CSMD1: variants seen among roughly 807,000 people sequenced by gnomAD.
The protein encoded by CSMD1 is CUB and sushi domain-containing protein 1.
In CSMD1, 213 loss-of-function variants were observed where a neutral mutation model predicts 417.5. The ratio of observed to expected loss-of-function variants is 0.51; its 90% CI spans 0.46 to 0.57. The LOEUF (loss-of-function observed/expected upper bound fraction) is 0.57, where lower values mean the gene tolerates loss of function less well. CSMD1 is among the 20% of genes least tolerant of loss of function. The probability of loss-of-function intolerance (pLI) is 0.00; values close to 1 mark genes in which losing one functional copy is unlikely to be tolerated. For missense variants in CSMD1, 6,923 were observed against 4,529.7 expected (o/e 1.53, Z -15.17); for synonymous variants, 2,862 against 1,736.8 (o/e 1.65, Z -16.11).
chr8:4,927,851 T>C (rs947891813), intron 1 of CSMD1, among the ~76,000 whole-genome samples: 4 of 152,160 alleles, frequency 2.6e-5, no homozygotes, highest in Admixed American at 2.0e-4. Context: ...GCCTTCAAGA[T>C]ATACCCAGAA....
intron 5 of CSMD1, among the ~76,000 whole-genome samples, chr8:3,967,260 T>C (rs753836810): frequency 5.7e-5 from 8 of 140,614 alleles, no homozygotes; most frequent in Non-Finnish European, 9.3e-5. Context: ...TTCTGCTTTT[T>C]TAATTCTCTC....
At chr8:4,809,742 T>C (rs1798789104) in intron 1 of CSMD1, among the ~76,000 whole-genome samples, 1 of 152,216 alleles carries the variant, frequency 6.6e-6, no homozygotes, top group Admixed American at 6.5e-5. Flanking sequence ...ATGTAATAAG[T>C]GAAAATTGAG....
chr8:4,582,312 G>C (rs986379651), intron 2 of CSMD1, among the ~76,000 whole-genome samples: 21 of 152,176 alleles, frequency 1.4e-4, no homozygotes, highest in African/African-American at 4.1e-4. Context: ...ATCAGACCAA[G>C]TCTCCTGCAG....
chr8:4,082,532 A>G (rs919897104), intron 3 of CSMD1, among the ~76,000 whole-genome samples: 1 of 152,194 alleles, frequency 6.6e-6, no homozygotes, highest in Non-Finnish European at 1.5e-5. Flanking sequence ...AACTAAAAGG[A>G]AACACACAAA....
intron 10 of CSMD1, among the ~76,000 whole-genome samples, chr8:3,539,000 G>A (rs1453981353): frequency 6.6e-6 from 1 of 152,186 alleles, no homozygotes; most frequent in Non-Finnish European, 1.5e-5. Context: ...TCTCATTGAA[G>A]TGAAAATAAA....
chr8:4,803,912 C>A (rs1798446942), intron 1 of CSMD1, among the ~76,000 whole-genome samples: 1 of 152,040 alleles, frequency 6.6e-6, no homozygotes, highest in Non-Finnish European at 1.5e-5. Context: ...AGCAGCTAGC[C>A]CACAGAGCCT....
chr8:3,285,563 T>G (rs1803085681), intron 25 of CSMD1, among the ~76,000 whole-genome samples: 1 of 151,868 alleles, frequency 6.6e-6, no homozygotes. Context: ...TTATTAGTAT[T>G]ATTATTTGTA....
chr8:2,967,164 T>C (rs576993046), intron 57 of CSMD1, among the ~76,000 whole-genome samples: 5 of 152,240 alleles, frequency 3.3e-5, no homozygotes, highest in South Asian at 2.1e-4. Flanking sequence ...TCTTCCTTTA[T>C]GTAATCACTG....
chr8:3,885,274 G>T (rs966722885), intron 5 of CSMD1, among the ~76,000 whole-genome samples: 7 of 152,070 alleles, frequency 4.6e-5, no homozygotes, highest in East Asian at 1.9e-4. Flanking sequence ...CATCAGACAG[G>T]TGTGAGTTAT....
At chr8:4,739,165 A>T (rs1169247511) in intron 1 of CSMD1, among the ~76,000 whole-genome samples, 2 of 152,176 alleles carry the variant, frequency 1.3e-5, no homozygotes, top group Non-Finnish European at 2.9e-5. Flanking sequence ...ACTTCCTAAT[A>T]GCTCATTTTA....
At chr8:4,254,176 C>T (rs1249312394) in intron 3 of CSMD1, among the ~76,000 whole-genome samples, 2 of 152,060 alleles carry the variant, frequency 1.3e-5, no homozygotes, top group Admixed American at 6.5e-5. Flanking sequence ...CTTGGCCTCC[C>T]AAAGTGATGG....
intron 3 of CSMD1, among the ~76,000 whole-genome samples, chr8:4,369,129 G>C (rs1368691240): frequency 1.3e-5 from 2 of 152,086 alleles, no homozygotes; most frequent in Admixed American, 6.5e-5. Context: ...GTTTCCCAGA[G>C]ATTCTGGTAT....
chr8:4,418,957 T>A (rs1360775171), intron 3 of CSMD1, among the ~76,000 whole-genome samples: 1 of 152,184 alleles, frequency 6.6e-6, no homozygotes, highest in African/African-American at 2.4e-5. Flanking sequence ...CATTCCTATG[T>A]CTCTGCAAAG....
intron 5 of CSMD1, among the ~76,000 whole-genome samples, chr8:3,886,184 G>A (rs2129124265): frequency 6.6e-6 from 1 of 152,114 alleles, no homozygotes; most frequent in South Asian, 2.1e-4. Context: ...TGAGTAGGTG[G>A]GATTACAGGT....
At chr8:4,538,214 T>C (rs1164123502) in intron 2 of CSMD1, among the ~76,000 whole-genome samples, 2 of 151,416 alleles carry the variant, frequency 1.3e-5, no homozygotes, top group Non-Finnish European at 2.9e-5. Flanking sequence ...TTGCCTGCTA[T>C]TTACTGCCTT....
At position 3,167,280 on chromosome 8, in the gene CSMD1, A is replaced by T. The variant is rs1057263508; in HGVS notation, c.5726-5003T>A. 3.9e-4 allele frequency among the ~76,000 whole-genome samples: 55 copies of T among 140,026 alleles called. 2 individuals are homozygous for T. Among genetic ancestry groups the T allele is most frequent in the Admixed American group, 3.1e-3 (42 of 13,688 alleles). 91.9% of individuals were successfully genotyped at this position (140,026 alleles called of 152,430 possible). A position where few individuals can be genotyped will look rare whatever the true frequency, so the allele number is the denominator to read the frequency against. On this transcript the variant is annotated intron_variant, in intron 37 of 69. Transcript: ENST00000635120. ...GCCTGAGTGACAGAGCAAGACTCCA[A>T]CTTGGAAAAAGAAAAAAAAAAAAAA...
intron 2 of CSMD1, among the ~76,000 whole-genome samples, chr8:4,613,507 C>G (rs976643261): frequency 1.3e-5 from 2 of 152,208 alleles, no homozygotes; most frequent in Non-Finnish European, 2.9e-5. Context: ...ACTAGTGTGG[C>G]AGGCTCTCAT....
rs77627970 is a variant in CSMD1 at position 4,826,811 on chromosome 8, C to T, written c.85+167521G>A. Reference sequence around the variant, plus strand: ...GAAGTACAGGCTTAATGTACTTTTACCAAATCTTACGACTCTATAACATTT... The same window carrying T: ...GAAGTACAGGCTTAATGTACTTTTATCAAATCTTACGACTCTATAACATTT... On this transcript the variant is annotated intron_variant, in intron 1 of 69. Transcript: ENST00000635120. Among the ~76,000 whole-genome samples, 913 of 152,216 alleles carry T rather than the reference C, an allele frequency of 6.0e-3. 6 individuals carry two copies. The highest frequency in any genetic ancestry group is 0.031 in the Middle Eastern group (9 of 294).
At chr8:4,954,164 G>T (rs936138420) in intron 1 of CSMD1, among the ~76,000 whole-genome samples, 1 of 151,998 alleles carries the variant, frequency 6.6e-6, no homozygotes. Context: ...CCAACTATTT[G>T]CCATTTAGAA....
Sources: allele counts gnomAD v4.1 joint callset (sites outside exome capture counted in the v4.1 genomes callset), GRCh38; gene constraint gnomAD v4.1.1; transcripts MANE v1.5; gene names NCBI Gene and HGNC (gene_info 2026-07-23, HGNC 2026-07-21).